Variants in RACGAP1 observed in about 807,000 individuals in gnomAD.
RACGAP1 encodes the protein rac GTPase-activating protein 1.
In RACGAP1, 30 loss-of-function variants were observed where a neutral mutation model predicts 78.1. The observed-to-expected ratio is 0.38, with a 90% CI of 0.29 to 0.52. The LOEUF is 0.52. Among genes scored for constraint, RACGAP1 ranks in the 20% least tolerant of loss-of-function variants. The probability of loss-of-function intolerance (pLI) is 0.82; values close to 1 mark genes in which losing one functional copy is unlikely to be tolerated. For synonymous variants in RACGAP1, 231 were observed against 264.8 expected (o/e 0.87, Z 1.24); for missense variants, 587 against 777.1 (o/e 0.76, Z 2.91).
At chr12:49,991,917 T>C (rs1947908226) in intron 15 of RACGAP1, 81 bp downstream of exon 15, 1 of 1,566,862 alleles carries the variant, frequency 6.4e-7, no homozygotes, top group Non-Finnish European at 8.5e-7. Flanking sequence ...TTCAAACAGC[T>C]CTAGCAAAGG....
intron 2 of RACGAP1, among the ~76,000 whole-genome samples, chr12:50,012,152 C>T (rs947398405): frequency 2.0e-5 from 3 of 151,698 alleles, no homozygotes; most frequent in African/African-American, 7.3e-5. Flanking sequence ...CTAGGCTGAG[C>T]ATGGTGGTTC....
intron 10 of RACGAP1, among the ~76,000 whole-genome samples, chr12:49,995,523 T>C (rs1948205140): frequency 6.6e-6 from 1 of 152,002 alleles, no homozygotes. Flanking sequence ...GATAGGGTCT[T>C]GCTCTATTCC....
chr12:49,989,540 A>G lies in RACGAP1; in HGVS notation c.*728T>C, dbSNP rs1436282376. ...AGCATCAGAATGAATTCAATTTTAA[A>G]AGAAAAACTGGCTTTGACCCCAAAT... On this transcript the variant is annotated 3_prime_UTR_variant, in exon 17 of 17. Transcript: ENST00000312377. The G allele has an allele frequency of 6.6e-6, 1 of 152,212 alleles. No homozygotes were observed. The highest frequency in any genetic ancestry group is 1.5e-5 in the Non-Finnish European group (1 of 68,052). The allele number at this position is 152,212 out of a possible 1,614,324, so 9.4% of individuals were successfully genotyped here. A position where few individuals can be genotyped will look rare whatever the true frequency, so the allele number is the denominator to read the frequency against.
chr12:49,999,299 G>C, intron 8 of RACGAP1, 28 bp from the exon 9 acceptor site: 1 of 1,585,168 alleles, frequency 6.3e-7, no homozygotes, highest in Non-Finnish European at 8.5e-7. Flanking sequence ...TTTAAGCTTT[G>C]TGTCTTAAGT....
intron 15 of RACGAP1, among the ~76,000 whole-genome samples, chr12:49,991,587 C>T (rs1274295167): frequency 6.9e-6 from 1 of 144,596 alleles, no homozygotes; most frequent in African/African-American, 2.6e-5. Context: ...TCCTGGGTTC[C>T]AGCAATTCCT....
At chr12:50,005,498 C>T in intron 3 of RACGAP1, 106 bp from the exon 4 acceptor site, 1 of 1,304,512 alleles carries the variant, frequency 7.7e-7, no homozygotes, top group Non-Finnish European at 1.1e-6. Context: ...CAGCATTATG[C>T]AAATGGACCT....
intron 10 of RACGAP1, among the ~76,000 whole-genome samples, chr12:49,994,892 T>C (rs570793384): frequency 6.6e-6 from 1 of 152,320 alleles, no homozygotes; most frequent in South Asian, 2.1e-4. Flanking sequence ...GATTTTTTTT[T>C]CTAACAGAAG....
intron 2 of RACGAP1, among the ~76,000 whole-genome samples, chr12:50,014,379 T>C (rs1158262215): frequency 6.6e-6 from 1 of 152,120 alleles, no homozygotes; most frequent in Non-Finnish European, 1.5e-5. Context: ...ACCTCCTTTT[T>C]CTCCCCAGCT....
exon 2 of RACGAP1, chr12:50,031,754 T>C: frequency 1.0e-6 from 1 of 985,428 alleles, no homozygotes; most frequent in Non-Finnish European, 1.2e-6. Flanking sequence ...TGGCATAAAC[T>C]CCCGCAGCAC....
chr12:49,991,981 C>G lies in RACGAP1; in HGVS notation c.1714+17G>C. On this transcript the variant is annotated intron_variant, in intron 15 of 16. Coordinates refer to ENST00000312377, the MANE Select transcript of RACGAP1 (RefSeq NM_001319999.2). ...AGAGAGAGTCAAGTCCCTGAAGAAG[C>G]ACATCTTGGGCCTTACCTTTAATAT... 1 of 1,611,964 alleles carries G rather than the reference C, an allele frequency of 6.2e-7. No individual in the cohort carries two copies. The highest frequency in any genetic ancestry group is 8.5e-7 in the Non-Finnish European group (1 of 1,179,608).
At chr12:50,010,411 C>T (rs1228893235) in intron 2 of RACGAP1, among the ~76,000 whole-genome samples, 4 of 151,698 alleles carry the variant, frequency 2.6e-5, no homozygotes, top group African/African-American at 9.7e-5. Flanking sequence ...ACAACCTCCA[C>T]CTCCTGGGTT....
chr12:50,033,228 T>C (rs1950350974), upstream of RACGAP1: 1 of 151,974 alleles, frequency 6.6e-6, no homozygotes. Context: ...ACCAAGAAGC[T>C]TTGAGCCCTT....
At chr12:49,998,140 C>T (rs187836320) in intron 9 of RACGAP1, among the ~76,000 whole-genome samples, 181 of 152,200 alleles carry the variant, frequency 1.2e-3, no homozygotes, top group African/African-American at 4.2e-3. Context: ...TGGTGGCTCA[C>T]GCCTGTAATC....
At chr12:50,015,759 A>C (rs1262079539) in intron 2 of RACGAP1, among the ~76,000 whole-genome samples, 1 of 151,730 alleles carries the variant, frequency 6.6e-6, no homozygotes, top group African/African-American at 2.4e-5. Context: ...CCGAGATCGC[A>C]CCACTGCACT....
rs1397387819 is a variant in RACGAP1, at chr12:49,990,202, A to G, written c.*66T>C. On this transcript the variant is annotated 3_prime_UTR_variant, in exon 17 of 17. Coordinates refer to ENST00000312377, the MANE Select transcript of RACGAP1 (RefSeq NM_001319999.2). ...TAGTAATGAGTACAGGAGGCTGCAG[A>G]GCAGAGTACAGATGTGTCCTTTCTT... 8.1e-6 allele frequency: 11 copies of G among 1,364,714 alleles called. No individual in the cohort carries two copies. The Admixed American group carries it at 1.0e-4, about 13-fold the overall frequency. The allele number at this position is 1,364,714 out of a possible 1,614,324, so 84.5% of individuals were successfully genotyped here.
chr12:50,020,720 T>C (rs1949963477), intron 1 of RACGAP1, among the ~76,000 whole-genome samples: 1 of 152,050 alleles, frequency 6.6e-6, no homozygotes, highest in Non-Finnish European at 1.5e-5. Context: ...CAGCAACACA[T>C]ATAAAACACA....
At chr12:49,995,783 CCA>C (rs1948224087) in intron 10 of RACGAP1, among the ~76,000 whole-genome samples, 1 of 152,072 alleles carries the variant, frequency 6.6e-6, no homozygotes, top group Admixed American at 6.6e-5. Context: ...GCATGAGCTA[CCA>C]CACTCAGCAA....
In RACGAP1 at chr12:49,997,041, T is replaced by C; in HGVS notation, c.1043A>G (p.Glu348Gly). Residue 348 changes from glutamate to glycine, a missense_variant and splice_region_variant, in exon 10 of 17, where the codon GAG becomes GGG. Transcript: ENST00000312377. ...TLIGTPVKIG[E>G]GMLADFVSQT... Reference sequence around the variant, plus strand: ...AATGACGGCTTGCATAAGTCATACCTCTCCAATCTTGACAGGTGTTCCTAT... The same window carrying C: ...AATGACGGCTTGCATAAGTCATACCCCTCCAATCTTGACAGGTGTTCCTAT... 6.6e-7 allele frequency: 1 copy of C among 1,522,988 alleles called. No individual in the cohort carries two copies. Among genetic ancestry groups the C allele is most frequent in the East Asian group, 2.4e-5 (1 of 41,870 alleles). 94.3% of individuals were successfully genotyped at this position (1,522,988 alleles called of 1,614,324 possible).
intron 9 of RACGAP1, 26 bp from the exon 10 acceptor site, chr12:49,997,230 C>A: frequency 1.3e-6 from 2 of 1,485,090 alleles, no homozygotes; most frequent in South Asian, 1.3e-5. Context: ...GCAGAAGGAA[C>A]AGAGTGATAT....
Sources: allele counts gnomAD v4.1 joint callset (sites outside exome capture counted in the v4.1 genomes callset), GRCh38; gene constraint gnomAD v4.1.1; transcripts MANE v1.5; gene names NCBI Gene and HGNC (gene_info 2026-07-23, HGNC 2026-07-21).